SPIDR: variants seen among roughly 807,000 people sequenced by gnomAD.
SPIDR encodes DNA repair-scaffolding protein.
In SPIDR, 93 loss-of-function variants were observed where a neutral mutation model predicts 104.6. That is an observed-to-expected ratio of 0.89 (90% CI 0.75 to 1.06). The LOEUF (loss-of-function observed/expected upper bound fraction) is 1.06. SPIDR is among the 50% of genes least tolerant of loss of function. SPIDR has a pLI of 0.00. For synonymous variants in SPIDR, 431 were observed against 416.9 expected (o/e 1.03, Z -0.41); for missense variants, 1,154 against 1,111.2 (o/e 1.04, Z -0.55).
chr8:47,531,940 CAGAA>C (rs1291157854), intron 8 of SPIDR, among the ~76,000 whole-genome samples: 2 of 151,930 alleles, frequency 1.3e-5, no homozygotes, highest in Admixed American at 6.6e-5. Flanking sequence ...AATACAATAA[CAGAA>C]AGACAAGGGC....
chr8:47,487,783 A>G (rs1206300328), intron 8 of SPIDR, among the ~76,000 whole-genome samples: 1 of 152,228 alleles, frequency 6.6e-6, no homozygotes, highest in Non-Finnish European at 1.5e-5. Flanking sequence ...TGAAGGCTGA[A>G]ATAAAGATGT....
In SPIDR at chr8:47,306,184, C is replaced by A. The variant is rs1002626414; in HGVS notation, c.525+12154C>A. The stretch of plus-strand genomic sequence containing the variant: ...TGAGATGGAGTCTCACTCTGTTGGC[C>A]AGGCTGGAGTGCAGTGGTGCGATCT... On this transcript the variant is annotated intron_variant, in intron 5 of 19. Coordinates refer to ENST00000297423, the MANE Select transcript of SPIDR (RefSeq NM_001080394.4). Among the ~76,000 whole-genome samples, 130 of 152,224 alleles carry A rather than the reference C, an allele frequency of 8.5e-4. 1 individual carries two copies. The highest frequency in any genetic ancestry group is 3.0e-3 in the African/African-American group (124 of 41,538).
chr8:47,526,945 A>T (rs1762971933), intron 8 of SPIDR, among the ~76,000 whole-genome samples: 1 of 152,234 alleles, frequency 6.6e-6, no homozygotes. Flanking sequence ...AAGGGGACGT[A>T]TCCAGCAGAA....
intron 8 of SPIDR, among the ~76,000 whole-genome samples, chr8:47,533,717 A>G (rs990667710): frequency 6.6e-6 from 1 of 152,250 alleles, no homozygotes. Context: ...CCACAATTAC[A>G]TACCATCTCA....
chr8:47,481,814 TG>T (rs1363399985), intron 8 of SPIDR, among the ~76,000 whole-genome samples: 3 of 152,248 alleles, frequency 2.0e-5, no homozygotes, highest in Non-Finnish European at 4.4e-5. Flanking sequence ...TTGAAGTCAT[TG>T]AAGGGAACTC....
intron 8 of SPIDR, among the ~76,000 whole-genome samples, chr8:47,542,668 A>G (rs1229552149): frequency 6.6e-6 from 1 of 152,200 alleles, no homozygotes; most frequent in East Asian, 1.9e-4. Context: ...TGCAGTTGTG[A>G]AAAGTAATAC....
intron 8 of SPIDR, among the ~76,000 whole-genome samples, chr8:47,462,700 G>A (rs1338081460): frequency 6.6e-6 from 1 of 152,130 alleles, no homozygotes; most frequent in Non-Finnish European, 1.5e-5. Flanking sequence ...TGCAATGCTA[G>A]CAGAAGGATG....
At chr8:47,397,325 A>G (rs1216351013) in intron 6 of SPIDR, among the ~76,000 whole-genome samples, 1 of 151,934 alleles carries the variant, frequency 6.6e-6, no homozygotes, top group Non-Finnish European at 1.5e-5. Flanking sequence ...GTGAAACCCC[A>G]TCTCTACTAA....
chr8:47,668,867 C>T (rs373772649), intron 10 of SPIDR, among the ~76,000 whole-genome samples: 19 of 152,218 alleles, frequency 1.2e-4, no homozygotes, highest in African/African-American at 4.3e-4. Context: ...CATAGACAGT[C>T]TAGGCGTAGA....
chr8:47,701,665 T>C (rs1277714526), intron 12 of SPIDR, 56 bp from the exon 13 acceptor site: 2 of 1,540,568 alleles, frequency 1.3e-6, no homozygotes, highest in Admixed American at 1.9e-5. Context: ...TAATATCTCC[T>C]CTTTTTGAGT....
chr8:47,664,402 CAAAGAACT>C (rs2074591245), intron 10 of SPIDR, among the ~76,000 whole-genome samples: 1 of 152,010 alleles, frequency 6.6e-6, no homozygotes, highest in Non-Finnish European at 1.5e-5. Flanking sequence ...TAACTATATT[CAAAGAACT>C]AAAGGAAACC....
At chr8:47,347,523 A>T (rs1554619151) in intron 5 of SPIDR, among the ~76,000 whole-genome samples, 1 of 152,152 alleles carries the variant, frequency 6.6e-6, no homozygotes, top group Non-Finnish European at 1.5e-5. Flanking sequence ...TGTCTCGTTG[A>T]TCTGTCTAAT....
intron 7 of SPIDR, among the ~76,000 whole-genome samples, chr8:47,419,933 G>T (rs1251383303): frequency 2.6e-5 from 4 of 152,140 alleles, no homozygotes; most frequent in African/African-American, 7.2e-5. Context: ...GCAGTTTTGA[G>T]TGAGTTTCTT....
intron 16 of SPIDR, among the ~76,000 whole-genome samples, chr8:47,725,238 T>G (rs984573791): frequency 6.6e-6 from 1 of 152,226 alleles, no homozygotes; most frequent in Non-Finnish European, 1.5e-5. Flanking sequence ...GCAATACACC[T>G]TTCCCAAACC....
At chr8:47,408,838 T>C (rs1466175532) in intron 7 of SPIDR, among the ~76,000 whole-genome samples, 2 of 152,184 alleles carry the variant, frequency 1.3e-5, no homozygotes, top group East Asian at 1.9e-4. Flanking sequence ...CAACGAGATA[T>C]TTTCTTTTCT....
At chr8:47,572,910 A>C (rs896797351) in intron 8 of SPIDR, among the ~76,000 whole-genome samples, 3 of 152,152 alleles carry the variant, frequency 2.0e-5, no homozygotes, top group Non-Finnish European at 4.4e-5. Context: ...CCCTAAGCCC[A>C]GTGCAGGAAG....
chr8:47,335,685 A>G (rs1421384037), intron 5 of SPIDR, among the ~76,000 whole-genome samples: 2 of 152,180 alleles, frequency 1.3e-5, no homozygotes, highest in Admixed American at 1.3e-4. Context: ...TCCTGGCCTC[A>G]AGTGATACAC....
chr8:47,264,976 A>G (rs2033585882), intron 1 of SPIDR, among the ~76,000 whole-genome samples: 1 of 152,150 alleles, frequency 6.6e-6, no homozygotes. Flanking sequence ...TTGTCTCTAG[A>G]TTTCCCTGGA....
chr8:47,302,618 G>A (rs1351377059), intron 5 of SPIDR, among the ~76,000 whole-genome samples: 2 of 152,182 alleles, frequency 1.3e-5, no homozygotes, highest in Non-Finnish European at 2.9e-5. Flanking sequence ...TACAGATGGG[G>A]TTTTGGTGTG....
Sources: allele counts gnomAD v4.1 joint callset (sites outside exome capture counted in the v4.1 genomes callset), GRCh38; gene constraint gnomAD v4.1.1; transcripts MANE v1.5; gene names NCBI Gene and HGNC (gene_info 2026-07-23, HGNC 2026-07-21).